Variants in SZT2 observed in about 807,000 individuals in gnomAD.
SZT2 encodes the protein KICSTOR complex protein SZT2.
In SZT2, 216 loss-of-function variants were observed where a neutral mutation model predicts 404.2. That is an observed-to-expected ratio of 0.53 (90% CI 0.48 to 0.60). The LOEUF is 0.60. Among genes scored for constraint, SZT2 ranks in the 20% least tolerant of loss-of-function variants. The pLI is 0.00. For missense variants in SZT2, 3,857 were observed against 4,459.2 expected (o/e 0.86, Z 3.85); for synonymous variants, 1,693 against 1,749.9 (o/e 0.97, Z 0.81).
chr1:43,428,399 C>G lies in SZT2; in HGVS notation c.4079C>G (p.Pro1360Arg). 3 of 1,614,168 alleles carry G rather than the reference C, an allele frequency of 1.9e-6. No individual in the cohort carries two copies. The highest frequency in any genetic ancestry group is 2.2e-5 in the East Asian group (1 of 44,866). ...GGTTTGCCTCATGCACCCCCAAGTC[C>G]TGGTCCTCTCAGCCCTGGGCCCTTC... ...TWGLPHAPPS[P>R]GPLSPGPFSS... The change falls in exon 28 of 72, where the codon CCT becomes CGT. Residue 1360 changes from proline (P) to arginine (R), a missense_variant. By Grantham distance (103) the Pro-to-Arg change is moderately radical. Transcript: ENST00000634258.
Position 43,426,009 on chromosome 1 carries a change from C to T in SZT2, c.2930-29C>T. On this transcript the variant is annotated intron_variant, in intron 20 of 71. Transcript: ENST00000634258. The surrounding 1 kb of genome is among the most constrained non-coding windows in gnomAD (Gnocchi z 4.9). ...GGAGTGGGTAGGGTAATCTGCGTCT[C>T]ACTGTGTCCTGTCCTTCCTCCCTCG... 1.2e-6 allele frequency: 2 copies of T among 1,613,468 alleles called. No homozygotes were observed. Among genetic ancestry groups the T allele is most frequent in the Non-Finnish European group, 1.7e-6 (2 of 1,179,452 alleles).
In SZT2 at chr1:43,448,331, C is replaced by G. The variant is rs1210271590; in HGVS notation, c.9816C>G (p.His3272Gln). ...AGCTGGTGCGGCTGGCTGGAGGGCA[C>G]TGCCGTCGGGACACCCTTTGGAAGC... ...LAQLVRLAGGHCRRDTLWKRL... is the reference protein window; with the variant it reads ...LAQLVRLAGGQCRRDTLWKRL... The change falls in exon 69 of 72, where the codon CAC (histidine) becomes CAG (glutamine). Residue 3272 changes from histidine to glutamine, a missense_variant. His to Gln is a conservative substitution (Grantham distance 24). Transcript: ENST00000634258. The surrounding 1 kb of genome is among the most constrained non-coding windows in gnomAD (Gnocchi z 4.2). 6.4e-7 allele frequency: 1 copy of G among 1,552,714 alleles called. No individual in the cohort carries two copies.
At position 43,439,675 on chromosome 1, in the gene SZT2, C is replaced by T. The variant is rs1351521539; in HGVS notation, c.6948C>T (p.Pro2316=). 1.9e-6 allele frequency: 3 copies of T among 1,613,066 alleles called. No individual in the cohort carries two copies. Among genetic ancestry groups the T allele is most frequent in the Non-Finnish European group, 2.5e-6 (3 of 1,179,484 alleles). Reference sequence around the variant, plus strand: ...CCTTGTCACTGGCGTTGTGGCCCCCCTCCTCTCCGGGGCCCCCAGACCCAC... The same window carrying T: ...CCTTGTCACTGGCGTTGTGGCCCCCTTCCTCTCCGGGGCCCCCAGACCCAC... ...GAPLSLALWP[P]SSPGPPDPLR... Residue 2316 remains proline, a synonymous_variant, in exon 50 of 72, where the codon CCC becomes CCT. Transcript: ENST00000634258. The surrounding 1 kb of genome is among the most constrained non-coding windows in gnomAD (Gnocchi z 4.2).
intron 1 of SZT2, among the ~76,000 whole-genome samples, chr1:43,395,402 G>A (rs529111030): frequency 2.0e-5 from 3 of 152,120 alleles, no homozygotes; most frequent in East Asian, 1.9e-4. Flanking sequence ...GGGCTCAGGC[G>A]ACCCTCCCAC....
At chr1:43,440,175 C>T (rs930254782) in intron 51 of SZT2, 127 bp downstream of exon 51, 10 of 1,339,708 alleles carry the variant, frequency 7.5e-6, no homozygotes, top group Admixed American at 2.2e-5. Context: ...ATCAGAACCA[C>T]TTATTCACAG....
rs1653394218 is a variant in SZT2 at position 43,428,039 on chromosome 1, C to T, written c.3840C>T (p.Ala1280=). 3 of 1,614,080 alleles carry T rather than the reference C, an allele frequency of 1.9e-6. No homozygotes were observed. The highest frequency in any genetic ancestry group is 2.5e-6 in the Non-Finnish European group (3 of 1,180,030). Residue 1280 remains alanine, a synonymous_variant, in exon 27 of 72, where the codon GCC becomes GCT. Transcript: ENST00000634258. The stretch of plus-strand genomic sequence containing the variant: ...TCGACCACCCCTCCCCATCCTCAGC[C>T]TGGATGGAACCCCGGTACAAGGAGG... ...QFLDHPSPSS[A]WMEPRYKEAA... is the part of the protein sequence containing the mutation.
chr1:43,440,572 T>G lies in SZT2; in HGVS notation c.7330T>G (p.Phe2444Val). 1 of 1,597,942 alleles carries G rather than the reference T, an allele frequency of 6.3e-7. No homozygotes were observed. The highest frequency in any genetic ancestry group is 8.5e-7 in the Non-Finnish European group (1 of 1,173,108). The change falls in exon 52 of 72, where the codon TTC (phenylalanine) becomes GTC (valine). Residue 2444 changes from phenylalanine (F) to valine (V), a missense_variant. Physicochemically the swap from Phe to Val is conservative, Grantham distance 50 (BLOSUM62 -1). Around this residue, in one of 7 missense-constraint regions of SZT2, gnomAD observed 573 missense variants for 592.4 expected, o/e 0.97. Coordinates refer to ENST00000634258, the MANE Select transcript of SZT2 (RefSeq NM_001365999.1). ...ACCCAGCAAAGCGGGCCGGCGTAGC[T>G]TCTGGGATATGCTGGTAATGGAAGA... ...TPPSKAGRRS[F>V]WDMLSKTECG...
In SZT2 at chr1:43,453,120, C is replaced by T. The variant is rs549656793; in HGVS notation, c.*2640C>T. 13 of 722,244 alleles carry T rather than the reference C, an allele frequency of 1.8e-5. No individual in the cohort carries two copies. In the African/African-American group the frequency reaches 2.1e-4, roughly 12 times the overall value. The allele number at this position is 722,244 out of a possible 1,614,324, so 44.7% of individuals were successfully genotyped here. A position where few individuals can be genotyped will look rare whatever the true frequency, so the allele number is the denominator to read the frequency against. ...AATAGGCCTGTCCTCAAATGCATCA[C>T]TGTATATATTTACTCTCCTATCTGC... On this transcript the variant is annotated 3_prime_UTR_variant, in exon 72 of 72. Coordinates refer to ENST00000634258, the MANE Select transcript of SZT2 (RefSeq NM_001365999.1).
At chr1:43,404,822 C>T in intron 4 of SZT2, 1 of 325,966 alleles carries the variant, frequency 3.1e-6, no homozygotes. Context: ...TTGATTCTGA[C>T]CACTGGATGT....
intron 4 of SZT2, among the ~76,000 whole-genome samples, chr1:43,407,831 T>C (rs1331539642): frequency 2.1e-5 from 3 of 141,790 alleles, no homozygotes; most frequent in East Asian, 4.0e-4. Context: ...TCTAACCTTT[T>C]TTTTTTTTTT....
chr1:43,419,655 GC>G, intron 7 of SZT2, 78 bp from the exon 8 acceptor site: 1 of 1,229,196 alleles, frequency 8.1e-7, no homozygotes, highest in East Asian at 2.5e-5. Context: ...CAGCCACCTA[GC>G]CCAGTCTCTT....
intron 4 of SZT2, among the ~76,000 whole-genome samples, chr1:43,407,507 C>T (rs907937032): frequency 3.3e-5 from 5 of 151,470 alleles, no homozygotes; most frequent in African/African-American, 7.3e-5. Flanking sequence ...CAGAGTGAGA[C>T]TCTGTCTCCA....
chr1:43,410,554 C>CAA (rs34705523), intron 4 of SZT2: 979 of 40,492 alleles, frequency 0.024, 58 homozygotes, highest in African/African-American at 0.064. Context: ...GACTCTGTCT[C>CAA]AAAAAAAAAA....
Position 43,440,558 on chromosome 1 carries a change from C to G in SZT2, c.7316C>G (p.Ala2439Gly). ...GAGCCTGTGACTCCACCCAGCAAAG[C>G]GGGCCGGCGTAGCTTCTGGGATATG... Reference protein sequence around the residue: ...PGEPVTPPSKAGRRSFWDMLS... With the variant: ...PGEPVTPPSKGGRRSFWDMLS... The change falls in exon 52 of 72, where the codon GCG becomes GGG. Residue 2439 changes from alanine to glycine, a missense_variant. Transcript: ENST00000634258. 6.2e-7 allele frequency: 1 copy of G among 1,605,996 alleles called. No homozygotes were observed. Among genetic ancestry groups the G allele is most frequent in the Non-Finnish European group, 8.5e-7 (1 of 1,176,262 alleles).
intron 7 of SZT2, among the ~76,000 whole-genome samples, chr1:43,418,948 A>G (rs1035491398): frequency 6.6e-6 from 1 of 152,270 alleles, no homozygotes; most frequent in African/African-American, 2.4e-5. Context: ...CATGAAGCCA[A>G]GAGCCAGCGT....
Position 43,453,323 on chromosome 1 carries a change from G to A in SZT2, c.*2843G>A. On this transcript the variant is annotated 3_prime_UTR_variant, in exon 72 of 72. Transcript: ENST00000634258. Reference sequence around the variant, plus strand: ...TGAGCGTCTCAGATCTGGCGTCCTCGACTCCCTGAACCTGCATCAGGGTCA... The same window carrying A: ...TGAGCGTCTCAGATCTGGCGTCCTCAACTCCCTGAACCTGCATCAGGGTCA... 4 of 1,074,148 alleles carry A rather than the reference G, an allele frequency of 3.7e-6. No individual in the cohort carries two copies. Among genetic ancestry groups the A allele is most frequent in the Non-Finnish European group, 5.3e-6 (4 of 750,858 alleles). The allele number at this position is 1,074,148 out of a possible 1,614,324, so 66.5% of individuals were successfully genotyped here.
chr1:43,417,193 C>T (rs560623458), intron 7 of SZT2, among the ~76,000 whole-genome samples: 5 of 152,212 alleles, frequency 3.3e-5, no homozygotes, highest in Non-Finnish European at 7.3e-5. Context: ...ATAAAGGTCA[C>T]TCTTGCTGCT....
intron 1 of SZT2, among the ~76,000 whole-genome samples, chr1:43,390,562 T>C (rs182601086): frequency 4.6e-5 from 7 of 152,374 alleles, no homozygotes; most frequent in South Asian, 2.1e-4. Flanking sequence ...ATCTGTCTTA[T>C]AGTGTGTTGT....
Position 43,427,705 on chromosome 1 carries a change from C to T in SZT2, c.3774C>T (p.Pro1258=), listed in dbSNP as rs1653344612. The change falls in exon 26 of 72, where the codon CCC becomes CCT. Residue 1258 remains proline (P), a synonymous_variant. Transcript: ENST00000634258. ...ALREQMVGMQ[P]PQAPRDLIFR... is the part of the protein sequence containing the mutation. ...GGGAACAAATGGTTGGCATGCAGCC[C>T]CCTCAGGCGCCCCGAGACCTCATCT... is the stretch of plus-strand genomic sequence containing the variant. 6.2e-7 allele frequency: 1 copy of T among 1,613,828 alleles called. No individual in the cohort carries two copies. The highest frequency in any genetic ancestry group is 8.5e-7 in the Non-Finnish European group (1 of 1,180,012).
Sources: allele counts gnomAD v4.1 joint callset (sites outside exome capture counted in the v4.1 genomes callset), GRCh38; gene constraint gnomAD v4.1.1; regional missense constraint gnomAD v4.1.1; non-coding constraint Gnocchi (gnomAD v3.1); transcripts MANE v1.5; gene names NCBI Gene and HGNC (gene_info 2026-07-23, HGNC 2026-07-21).